The following OSBPL3 variants were observed in gnomAD, a reference collection of about 807,000 sequenced individuals.
OSBPL3 encodes the protein oxysterol-binding protein-related protein 3.
In OSBPL3, 65 loss-of-function variants were observed where a neutral mutation model predicts 120.1. That is an observed-to-expected ratio of 0.54 (90% CI 0.44 to 0.67). The LOEUF (loss-of-function observed/expected upper bound fraction) is 0.67. Ranked by LOEUF, OSBPL3 falls within the 30% of genes least tolerant of loss-of-function variation. OSBPL3 has a pLI of 0.00. For synonymous variants in OSBPL3, 416 were observed against 402.6 expected, an observed-to-expected ratio of 1.03 and a Z score of -0.40; for missense variants, 1,004 against 1,082.1, an observed-to-expected ratio of 0.93 and a Z score of 1.01.
At chr7:24,910,729 G>A (rs2128416540) in intron 1 of OSBPL3, among the ~76,000 whole-genome samples, 1 of 152,368 alleles carries the variant, frequency 6.6e-6, no homozygotes, top group South Asian at 2.1e-4. Context: ...CAAGGGAAGA[G>A]CTCAGTGGGG....
chr7:24,965,160 C>T lies in OSBPL3; in HGVS notation c.-150+14726G>A, dbSNP rs990055479. Among the ~76,000 whole-genome samples the T allele has an allele frequency of 2.6e-5, 4 of 152,026 alleles. No homozygotes were observed. In the East Asian group the frequency reaches 5.8e-4, roughly 22 times the overall value. ...AAAATATTTACTGTTAATGCATGAG[C>T]GAAAGGATTCTACATCTCCCTAATT... On this transcript the variant is annotated intron_variant, in intron 1 of 22. Transcript: ENST00000313367. The surrounding 1 kb of genome is among the most constrained non-coding windows in gnomAD (Gnocchi z 4.3).
rs746683414 is a variant in OSBPL3, at chr7:24,820,208, G to T, written c.1915C>A (p.His639Asn). Reference protein sequence around the residue: ...VSHHPPISACHAESRNFVFWQ... With the variant: ...VSHHPPISACNAESRNFVFWQ... Reference sequence around the variant, plus strand: ...AAAACAAAATTTCTAGACTCAGCATGACACGCAGAGATAGGCGGATGGTGG... The same window carrying T: ...AAAACAAAATTTCTAGACTCAGCATTACACGCAGAGATAGGCGGATGGTGG... Residue 639 changes from histidine to asparagine, a missense_variant, in exon 17 of 23, where the codon CAT becomes AAT. His to Asn is a moderately conservative substitution (Grantham distance 68). Transcript: ENST00000313367. This position sits in a 1 kb window ranked among gnomAD's most constrained non-coding sequence, Gnocchi z 4.6. 13 of 1,612,560 alleles carry T rather than the reference G, an allele frequency of 8.1e-6. No individual in the cohort carries two copies. The highest frequency in any genetic ancestry group is 1.6e-4 in the Middle Eastern group (1 of 6,062).
In OSBPL3 at chr7:24,947,358, A is replaced by G. The variant is rs1389095663; in HGVS notation, c.-150+32528T>C. Among the ~76,000 whole-genome samples, 1 of 152,226 alleles carries G rather than the reference A, an allele frequency of 6.6e-6. No individual in the cohort carries two copies. Among genetic ancestry groups the G allele is most frequent in the South Asian group, 2.1e-4 (1 of 4,828 alleles). ...TTCTCTGAATAAAGCTCTTCCAGGT[A>G]GAGTTCAATGGCTACAGAAGGAATC... is the stretch of plus-strand genomic sequence containing the variant. On this transcript the variant is annotated intron_variant, in intron 1 of 22. Coordinates refer to ENST00000313367, the MANE Select transcript of OSBPL3 (RefSeq NM_015550.4). This position sits in a 1 kb window ranked among gnomAD's most constrained non-coding sequence, Gnocchi z 4.4.
Position 24,849,445 on chromosome 7 carries a change from GAGAGGGAAGTCACAGACA to G in OSBPL3, c.1159-287_1159-270del. On this transcript the variant is annotated intron_variant, in intron 11 of 22. Transcript: ENST00000313367. The surrounding 1 kb of genome is among the most constrained non-coding windows in gnomAD (Gnocchi z 5.4). Reference sequence around the variant, plus strand: ...GGAGGGAGGGTTGGTAAGTGCAACAGAGAGGGAAGTCACAGACACTGTCGGCTTCTGTTAAGACCAGTG... The same window carrying G: ...GGAGGGAGGGTTGGTAAGTGCAACAGCTGTCGGCTTCTGTTAAGACCAGTG... 1 of 249,880 alleles carries G rather than the reference GAGAGGGAAGTCACAGACA, an allele frequency of 4.0e-6. No homozygotes were observed. The highest frequency in any genetic ancestry group is 7.8e-6 in the Non-Finnish European group (1 of 127,626). 15.5% of individuals were successfully genotyped at this position (249,880 alleles called of 1,614,324 possible).
rs893121413 is a variant in OSBPL3, at chr7:24,913,961, G to A, written c.-149-21340C>T. Among the ~76,000 whole-genome samples the A allele has an allele frequency of 1.3e-5, 2 of 152,130 alleles. No individual in the cohort carries two copies. Among genetic ancestry groups the A allele is most frequent in the Non-Finnish European group, 2.9e-5 (2 of 68,016 alleles). On this transcript the variant is annotated intron_variant, in intron 1 of 22. Transcript: ENST00000313367. This position sits in a 1 kb window ranked among gnomAD's most constrained non-coding sequence, Gnocchi z 5.3. ...GATTCATTACGAAAGAGTCAAAATC[G>A]CAAGCACCATTCAATCCTTTGGTAA...
chr7:24,875,131 TG>T (rs1363445253), intron 2 of OSBPL3, among the ~76,000 whole-genome samples: 2 of 152,260 alleles, frequency 1.3e-5, no homozygotes, highest in East Asian at 1.9e-4. Context: ...GTAAGTGAAA[TG>T]TGCTTAAAAT....
At chr7:24,866,902 A>G (rs957384763) in intron 5 of OSBPL3, among the ~76,000 whole-genome samples, 11 of 152,152 alleles carry the variant, frequency 7.2e-5, no homozygotes, top group African/African-American at 2.2e-4. Flanking sequence ...CCCAGGTTCA[A>G]GCGATCTCTT....
chr7:24,857,660 G>A (rs778661848), intron 10 of OSBPL3, among the ~76,000 whole-genome samples: 1 of 152,140 alleles, frequency 6.6e-6, no homozygotes. Flanking sequence ...CTCCAAAAAG[G>A]CTTATTATTT....
In OSBPL3 at chr7:24,813,784, G is replaced by C. The variant is rs1306588970; in HGVS notation, c.2172+1275C>G. On this transcript the variant is annotated intron_variant, in intron 19 of 22. Transcript: ENST00000313367. This position sits in a 1 kb window ranked among gnomAD's most constrained non-coding sequence, Gnocchi z 4.5. ...TTGAGGAGGGTCATGTTTTAAAGCT[G>C]TTTTAACTACATACAATTTTTAAGA... 1.3e-5 allele frequency among the ~76,000 whole-genome samples: 2 copies of C among 152,184 alleles called. No individual in the cohort carries two copies. The highest frequency in any genetic ancestry group is 2.9e-5 in the Non-Finnish European group (2 of 68,040).
upstream of OSBPL3, among the ~76,000 whole-genome samples, chr7:24,980,537 G>T (rs1460281881): frequency 6.6e-6 from 1 of 152,068 alleles, no homozygotes; most frequent in East Asian, 1.9e-4. Flanking sequence ...CCGGGCCAGG[G>T]AAGGAGGAAA....
At chr7:24,925,482 C>G (rs1190171145) in intron 1 of OSBPL3, among the ~76,000 whole-genome samples, 1 of 152,204 alleles carries the variant, frequency 6.6e-6, no homozygotes, top group African/African-American at 2.4e-5. Context: ...ATAATAAAAT[C>G]TGTCTTCCTT....
Position 24,804,317 on chromosome 7 carries a change from G to A in OSBPL3, c.2565C>T (p.Phe855=). ...ACCTACTCAATCCAGGCACGAACCTGAAAAACCGAGGCTGGTGCTCCACAT... is the reference window on the plus strand; with the variant it reads ...ACCTACTCAATCCAGGCACGAACCTAAAAAACCGAGGCTGGTGCTCCACAT... ...ENHVEHQPRF[F]RKSDDDSWVS... The change falls in exon 22 of 23, where the codon TTC becomes TTT. Residue 855 remains phenylalanine, a splice_region_variant and synonymous_variant. Transcript: ENST00000313367. The surrounding 1 kb of genome is among the most constrained non-coding windows in gnomAD (Gnocchi z 5.4). 3 of 1,614,130 alleles carry A rather than the reference G, an allele frequency of 1.9e-6. No homozygotes were observed.
At position 24,968,918 on chromosome 7, in the gene OSBPL3, A is replaced by G. The variant is rs1337972803; in HGVS notation, c.-150+10968T>C. On this transcript the variant is annotated intron_variant, in intron 1 of 22. Transcript: ENST00000313367. This position sits in a 1 kb window ranked among gnomAD's most constrained non-coding sequence, Gnocchi z 4.6. ...TAATTAGTACTTACTGATGAAAATTAAGTTACTTGCAATCTGGTATTTATT... is the reference window on the plus strand; with the variant it reads ...TAATTAGTACTTACTGATGAAAATTGAGTTACTTGCAATCTGGTATTTATT... Among the ~76,000 whole-genome samples, 1 of 152,216 alleles carries G rather than the reference A, an allele frequency of 6.6e-6. No individual in the cohort carries two copies. The highest frequency in any genetic ancestry group is 1.5e-5 in the Non-Finnish European group (1 of 68,036).
chr7:24,915,489 C>T (rs898573450), intron 1 of OSBPL3, among the ~76,000 whole-genome samples: 1 of 151,778 alleles, frequency 6.6e-6, no homozygotes, highest in African/African-American at 2.4e-5. Context: ...AATCCTCAAA[C>T]ATGAAATGTT....
chr7:24,953,224 T>G lies in OSBPL3; in HGVS notation c.-150+26662A>C, dbSNP rs937562093. Among the ~76,000 whole-genome samples, 5 of 152,252 alleles carry G rather than the reference T, an allele frequency of 3.3e-5. No homozygotes were observed. Among genetic ancestry groups the G allele is most frequent in the Non-Finnish European group, 7.3e-5 (5 of 68,044 alleles). On this transcript the variant is annotated intron_variant, in intron 1 of 22. Transcript: ENST00000313367. This position sits in a 1 kb window ranked among gnomAD's most constrained non-coding sequence, Gnocchi z 4.3. ...CCTTCACTTAAGTAGTTTTGCTTCA[T>G]CACTTTAATTATTCTGGCAACCCAT... is the stretch of plus-strand genomic sequence containing the variant.
rs1816184716 is a variant in OSBPL3 at position 24,964,741 on chromosome 7, T to A, written c.-150+15145A>T. ...ACTGGTCTATTAATTGTGACAAAAG[T>A]ATACTAAGGTAAGATATTGACAATG... On this transcript the variant is annotated intron_variant, in intron 1 of 22. Transcript: ENST00000313367. The surrounding 1 kb of genome is among the most constrained non-coding windows in gnomAD (Gnocchi z 4.2). Among the ~76,000 whole-genome samples, 1 of 152,198 alleles carries A rather than the reference T, an allele frequency of 6.6e-6. No homozygotes were observed.
intron 1 of OSBPL3, among the ~76,000 whole-genome samples, chr7:24,957,680 C>G (rs535264703): frequency 3.5e-4 from 53 of 151,986 alleles, no homozygotes; most frequent in African/African-American, 1.2e-3. Flanking sequence ...ATCTGTAAAA[C>G]ACAAATAAAA....
chr7:24,897,102 A>AGGC, intron 1 of OSBPL3, among the ~76,000 whole-genome samples: 1 of 151,566 alleles, frequency 6.6e-6, no homozygotes, highest in East Asian at 1.9e-4. Context: ...GGGAGGAAGG[A>AGGC]AGGCAGGCAG....
At chr7:24,902,108 C>T (rs1807112698) in intron 1 of OSBPL3, among the ~76,000 whole-genome samples, 1 of 152,148 alleles carries the variant, frequency 6.6e-6, no homozygotes, top group African/African-American at 2.4e-5. Flanking sequence ...AAAGGATCTC[C>T]CTGAAAGGGG....
Sources: gnomAD v4.1 joint callset for allele counts (sites outside exome capture counted in the v4.1 genomes callset) on GRCh38, gnomAD v4.1.1 for gene constraint, Gnocchi (gnomAD v3.1) non-coding constraint, MANE v1.5 for transcripts, NCBI Gene and HGNC (gene_info 2026-07-23, HGNC 2026-07-21) for gene names.